Variants in SLC14A2 observed in about 807,000 individuals in gnomAD.
The protein encoded by SLC14A2 is solute carrier family 14 member 2.
Under a neutral mutation model 104.6 loss-of-function variants are expected in SLC14A2, and 91 were observed. The ratio of observed to expected loss-of-function variants is 0.87; its 90% CI spans 0.73 to 1.04. The LOEUF (loss-of-function observed/expected upper bound fraction) is 1.04. Ranked by LOEUF, SLC14A2 falls within the 50% of genes least tolerant of loss-of-function variation. SLC14A2 has a pLI of 0.00. For synonymous variants in SLC14A2, 476 were observed against 466.4 expected, an observed-to-expected ratio of 1.02 and a Z score of -0.27; for missense variants, 1,189 against 1,156.0, an observed-to-expected ratio of 1.03 and a Z score of -0.41.
chr18:45,412,426 T>C (rs2086225149), intron 1 of SLC14A2, among the ~76,000 whole-genome samples: 1 of 152,168 alleles, frequency 6.6e-6, no homozygotes, highest in Admixed American at 6.5e-5. Context: ...CTTATATTCC[T>C]AAATGCAACC....
rs146041410 is a variant in SLC14A2 at position 45,412,925 on chromosome 18, A to C, written c.-124-70308A>C. Among the ~76,000 whole-genome samples, 1,503 of 152,322 alleles carry C rather than the reference A, an allele frequency of 9.9e-3. 16 individuals are homozygous for C. The highest frequency in any genetic ancestry group is 0.024 in the African/African-American group (997 of 41,572). Reference sequence around the variant, plus strand: ...CATGCAAGAATTTGGGACAAGTGTCACCAGATCTTCTGGTTTTTCAAGAGA... The same window carrying C: ...CATGCAAGAATTTGGGACAAGTGTCCCCAGATCTTCTGGTTTTTCAAGAGA... On this transcript the variant is annotated intron_variant, in intron 1 of 20. Coordinates refer to the SLC14A2 transcript ENST00000586448.
chr18:45,559,815 C>A (rs1386032866), intron 2 of SLC14A2, among the ~76,000 whole-genome samples: 2 of 152,286 alleles, frequency 1.3e-5, no homozygotes, highest in African/African-American at 4.8e-5. Flanking sequence ...TGGGGTGCAC[C>A]CTACTGTGGC....
intron 2 of SLC14A2, among the ~76,000 whole-genome samples, chr18:45,523,331 C>CTTTG (rs1292441242): frequency 6.6e-6 from 1 of 150,890 alleles, no homozygotes; most frequent in African/African-American, 2.4e-5. Context: ...TTTTTTGTTT[C>CTTTG]TTTGTTTGTT....
At chr18:45,328,934 A>G (rs956126568) in intron 1 of SLC14A2, among the ~76,000 whole-genome samples, 11 of 152,238 alleles carry the variant, frequency 7.2e-5, no homozygotes, top group Non-Finnish European at 1.6e-4. Context: ...TGAAGCTCAC[A>G]TTCCTTTATT....
chr18:45,666,143 G>C lies in SLC14A2; in HGVS notation c.1481G>C (p.Gly494Ala). ...TCTTTCCTTCTAACTCCAGTGTTTGGAAAAGGCGAACACCAGGAAAGACAA... is the reference window on the plus strand; with the variant it reads ...TCTTTCCTTCTAACTCCAGTGTTTGCAAAAGGCGAACACCAGGAAAGACAA... Reference protein sequence around the residue: ...SSIRRRSKVFGKGEHQERQNK... With the variant: ...SSIRRRSKVFAKGEHQERQNK... Residue 494 changes from glycine (G) to alanine (A), a missense_variant, in exon 12 of 20, where the codon GGA becomes GCA. Coordinates refer to ENST00000255226, the MANE Select transcript of SLC14A2 (RefSeq NM_007163.4). 1 of 1,613,266 alleles carries C rather than the reference G, an allele frequency of 6.2e-7. No homozygotes were observed. The highest frequency in any genetic ancestry group is 8.5e-7 in the Non-Finnish European group (1 of 1,179,230).
intron 1 of SLC14A2, among the ~76,000 whole-genome samples, chr18:45,474,271 T>C (rs77579244): frequency 1.3e-5 from 2 of 152,190 alleles, no homozygotes; most frequent in African/African-American, 2.4e-5. Flanking sequence ...CTGCTGGATT[T>C]GGTTTGCCCG....
chr18:45,197,248 G>A, the SLC14A2 span, among the ~76,000 whole-genome samples: 1 of 152,128 alleles, frequency 6.6e-6, no homozygotes, highest in Non-Finnish European at 1.5e-5. Context: ...TAGATTACTG[G>A]TTACCTTTCT....
rs535102507 is a variant in SLC14A2 at position 45,266,162 on chromosome 18, T to C, written c.-125+52971T>C. 1.2e-3 allele frequency among the ~76,000 whole-genome samples: 178 copies of C among 152,266 alleles called. 5 individuals are homozygous for C. In the South Asian group the frequency reaches 0.03, roughly 26 times the overall value. Reference sequence around the variant, plus strand: ...AGGAAGGATGGAGGTCATTGATGCCTGCTGTGCATCCTGAGGAGTGTGCTA... The same window carrying C: ...AGGAAGGATGGAGGTCATTGATGCCCGCTGTGCATCCTGAGGAGTGTGCTA... On this transcript the variant is annotated intron_variant, in intron 1 of 20. Coordinates refer to the SLC14A2 transcript ENST00000586448.
intron 1 of SLC14A2, among the ~76,000 whole-genome samples, chr18:45,351,464 C>G (rs2085502961): frequency 1.3e-5 from 2 of 152,284 alleles, no homozygotes; most frequent in South Asian, 4.1e-4. Flanking sequence ...AAGCAACCCT[C>G]CTGCCTGAGC....
intron 1 of SLC14A2, among the ~76,000 whole-genome samples, chr18:45,386,381 A>G (rs2085896723): frequency 6.6e-6 from 1 of 152,166 alleles, no homozygotes; most frequent in Admixed American, 6.5e-5. Context: ...TGATTTCTGC[A>G]GTATCTTCTA....
At chr18:45,297,808 G>C (rs769185820) in intron 1 of SLC14A2, among the ~76,000 whole-genome samples, 3 of 152,166 alleles carry the variant, frequency 2.0e-5, no homozygotes, top group Non-Finnish European at 2.9e-5. Flanking sequence ...GTCCAGGTCA[G>C]GTGTTTCTGC....
Position 45,321,539 on chromosome 18 carries a change from G to A in SLC14A2, c.-125+108348G>A, listed in dbSNP as rs1051383959. Among the ~76,000 whole-genome samples the A allele has an allele frequency of 7.2e-5, 11 of 152,306 alleles. 1 individual carries two copies. The South Asian group carries it at 2.1e-3, about 29-fold the overall frequency. Reference sequence around the variant, plus strand: ...AGTTCCCTCTAGGCTGTTCTGGAGCGTGGAGCCCTGAATGGTGGGGTGAGG... The same window carrying A: ...AGTTCCCTCTAGGCTGTTCTGGAGCATGGAGCCCTGAATGGTGGGGTGAGG... On this transcript the variant is annotated intron_variant, in intron 1 of 20. Coordinates refer to the SLC14A2 transcript ENST00000586448.
chr18:45,187,421 C>A, the SLC14A2 span, among the ~76,000 whole-genome samples: 10 of 152,010 alleles, frequency 6.6e-5, no homozygotes, highest in Non-Finnish European at 1.5e-4. Flanking sequence ...AATAGGACTC[C>A]CAATTAGAAT....
chr18:45,615,928 C>T (rs2045063241), intron 1 of SLC14A2, among the ~76,000 whole-genome samples: 1 of 151,894 alleles, frequency 6.6e-6, no homozygotes, highest in African/African-American at 2.4e-5. Flanking sequence ...CACCATGCTC[C>T]TAAGAGGCCA....
At chr18:45,552,580 C>T (rs116621348) in intron 2 of SLC14A2, among the ~76,000 whole-genome samples, 1 of 152,250 alleles carries the variant, frequency 6.6e-6, no homozygotes, top group African/African-American at 2.4e-5. Flanking sequence ...CAAACAAAAA[C>T]AAATAACCAT....
At chr18:45,425,879 G>A (rs2086417759) in intron 1 of SLC14A2, among the ~76,000 whole-genome samples, 1 of 151,738 alleles carries the variant, frequency 6.6e-6, no homozygotes, top group African/African-American at 2.4e-5. Flanking sequence ...TTTTTAAAGG[G>A]AGGGGGTGGA....
In SLC14A2 at chr18:45,644,173, G is replaced by A; in HGVS notation, c.1351+13G>A. Reference sequence around the variant, plus strand: ...AAGGCCCCCAGCGGTGAATAGCCATGTTCGGGGAAGAAACGCTCTTTGCCT... The same window carrying A: ...AAGGCCCCCAGCGGTGAATAGCCATATTCGGGGAAGAAACGCTCTTTGCCT... On this transcript the variant is annotated intron_variant, in intron 10 of 19. Transcript: ENST00000255226. The A allele has an allele frequency of 3.1e-6, 5 of 1,613,734 alleles. No homozygotes were observed. Among genetic ancestry groups the A allele is most frequent in the South Asian group, 1.1e-5 (1 of 91,048 alleles).
intron 8 of SLC14A2, among the ~76,000 whole-genome samples, chr18:45,642,306 A>G (rs2045542342): frequency 6.6e-6 from 1 of 152,200 alleles, no homozygotes; most frequent in Non-Finnish European, 1.5e-5. Context: ...CTGGGCATGG[A>G]GACAGTGGAC....
intron 2 of SLC14A2, among the ~76,000 whole-genome samples, chr18:45,506,511 A>G (rs1394108371): frequency 1.3e-5 from 2 of 152,210 alleles, no homozygotes; most frequent in African/African-American, 4.8e-5. Flanking sequence ...TCCAAATGAT[A>G]TAATCCTAGA....
Sources: gnomAD v4.1 joint callset for allele counts (sites outside exome capture counted in the v4.1 genomes callset) on GRCh38, gnomAD v4.1.1 for gene constraint, MANE v1.5 for transcripts, NCBI Gene and HGNC (gene_info 2026-07-23, HGNC 2026-07-21) for gene names.